Variants in IL1RAPL2 observed in about 807,000 individuals in gnomAD.
IL1RAPL2 encodes the protein interleukin 1 receptor accessory protein like 2.
In IL1RAPL2, 3 loss-of-function variants were observed where a neutral mutation model predicts 44.1. The ratio of observed to expected loss-of-function variants is 0.07; its 90% CI spans 0.03 to 0.18. The LOEUF is 0.18. Ranked by LOEUF, IL1RAPL2 falls within the 10% of genes least tolerant of loss-of-function variation. The pLI is 1.00. For synonymous variants in IL1RAPL2, 181 were observed against 178.8 expected, an observed-to-expected ratio of 1.01 and a Z score of -0.10; for missense variants, 391 against 496.4, an observed-to-expected ratio of 0.79 and a Z score of 2.02.
intron 6 of IL1RAPL2, among the ~76,000 whole-genome samples, chrX:105,556,188 C>T (rs2036895494): frequency 9.0e-6 from 1 of 111,713 alleles, no homozygotes; most frequent in African/African-American, 3.2e-5. Flanking sequence ...GGGGACAGTA[C>T]GAGAAGCTTT....
At chrX:104,807,441 T>C (rs944791368) in intron 2 of IL1RAPL2, among the ~76,000 whole-genome samples, 1 of 111,830 alleles carries the variant, frequency 8.9e-6, no homozygotes, top group Non-Finnish European at 1.9e-5. Context: ...TTTATCTTTA[T>C]TTGGAAGTAG....
chrX:105,184,851 T>C (rs1457829396), intron 2 of IL1RAPL2, among the ~76,000 whole-genome samples: 1 of 111,615 alleles, frequency 9.0e-6, no homozygotes, highest in Non-Finnish European at 1.9e-5. Context: ...TAATATGTAT[T>C]ATATGTAAAG....
chrX:104,631,841 T>C (rs1929657477), intron 1 of IL1RAPL2, among the ~76,000 whole-genome samples: 3 of 110,150 alleles, frequency 2.7e-5, no homozygotes, highest in Admixed American at 9.6e-5. Context: ...AGCTCTTTAG[T>C]TTAATTAGAT....
At chrX:104,922,291 A>G (rs1393832413) in intron 2 of IL1RAPL2, among the ~76,000 whole-genome samples, 1 of 113,296 alleles carries the variant, frequency 8.8e-6, no homozygotes, top group African/African-American at 3.2e-5. Flanking sequence ...TGGGACAGCA[A>G]ACTGCATGAC....
intron 5 of IL1RAPL2, among the ~76,000 whole-genome samples, chrX:105,397,545 G>C (rs895335371): frequency 2.7e-5 from 3 of 111,393 alleles, no homozygotes; most frequent in Non-Finnish European, 3.8e-5. Context: ...TTCTTTTATT[G>C]ACCAAGATAA....
intron 2 of IL1RAPL2, among the ~76,000 whole-genome samples, chrX:104,849,584 TATTAA>T (rs1310443946): frequency 9.2e-6 from 1 of 109,198 alleles, no homozygotes; most frequent in Non-Finnish European, 1.9e-5. Flanking sequence ...AAAGTAGCAA[TATTAA>T]ATTAGTCTTA....
chrX:105,475,206 G>T (rs2036189778), intron 5 of IL1RAPL2, among the ~76,000 whole-genome samples: 1 of 111,233 alleles, frequency 9.0e-6, no homozygotes, highest in African/African-American at 3.3e-5. Flanking sequence ...CTTGGGTTTG[G>T]GTCTTCTGTT....
At chrX:104,792,219 T>C (rs768343093) in intron 2 of IL1RAPL2, among the ~76,000 whole-genome samples, 15 of 111,334 alleles carry the variant, frequency 1.3e-4, no homozygotes, top group Middle Eastern at 4.6e-3. Context: ...CAGATCTTAC[T>C]CTAGTAAGAT....
chrX:105,065,990 G>C (rs1370835342), intron 2 of IL1RAPL2, among the ~76,000 whole-genome samples: 1 of 111,497 alleles, frequency 9.0e-6, no homozygotes, highest in Non-Finnish European at 1.9e-5. Context: ...AACACAGTGG[G>C]TAAAAGGGAG....
intron 5 of IL1RAPL2, among the ~76,000 whole-genome samples, chrX:105,409,508 A>G (rs2035676628): frequency 1.8e-5 from 2 of 111,428 alleles, no homozygotes; most frequent in Admixed American, 9.6e-5. Flanking sequence ...TACAAAAATT[A>G]TCAGCTAGTG....
chrX:104,728,723 G>A (rs1383507401), intron 2 of IL1RAPL2, among the ~76,000 whole-genome samples: 2 of 111,242 alleles, frequency 1.8e-5, no homozygotes, highest in African/African-American at 6.5e-5. Flanking sequence ...TAGGGGCAGG[G>A]CCTAGATATA....
chrX:105,471,269 A>G (rs978208089), intron 5 of IL1RAPL2, among the ~76,000 whole-genome samples: 1 of 111,974 alleles, frequency 8.9e-6, no homozygotes, highest in African/African-American at 3.2e-5. Flanking sequence ...AATCATGACC[A>G]AGGTCACAAA....
chrX:105,595,476 T>C (rs147715349), intron 6 of IL1RAPL2, among the ~76,000 whole-genome samples: 1 of 111,942 alleles, frequency 8.9e-6, no homozygotes, highest in African/African-American at 3.2e-5. Flanking sequence ...GGGTTTTCCA[T>C]GGCCTTAACA....
At chrX:104,780,602 C>T (rs1932765650) in intron 2 of IL1RAPL2, among the ~76,000 whole-genome samples, 1 of 111,681 alleles carries the variant, frequency 9.0e-6, no homozygotes, top group South Asian at 3.7e-4. Context: ...ACTTGATGTT[C>T]TCCCTCTCTA....
At chrX:105,188,200 C>T (rs1214003705) in intron 2 of IL1RAPL2, among the ~76,000 whole-genome samples, 2 of 110,620 alleles carry the variant, frequency 1.8e-5, no homozygotes, top group African/African-American at 6.6e-5. Flanking sequence ...GGGATGACTC[C>T]ACACTTTTTG....
chrX:105,383,119 TA>T (rs199873029), intron 5 of IL1RAPL2, among the ~76,000 whole-genome samples: 10 of 104,829 alleles, frequency 9.5e-5, no homozygotes, highest in African/African-American at 2.1e-4. Context: ...TAAAGTATAA[TA>T]AAAAAAAAGA....
chrX:104,653,085 C>T (rs778930033), intron 1 of IL1RAPL2, among the ~76,000 whole-genome samples: 4 of 110,955 alleles, frequency 3.6e-5, no homozygotes, highest in Non-Finnish European at 5.7e-5. Flanking sequence ...TCTATGGGCA[C>T]TATATAAACA....
intron 1 of IL1RAPL2, among the ~76,000 whole-genome samples, chrX:104,632,383 T>C (rs866029439): frequency 7.2e-5 from 8 of 111,754 alleles, no homozygotes; most frequent in African/African-American, 2.0e-4. Flanking sequence ...GCGAAGAAAG[T>C]CATTGGTAGC....
intron 6 of IL1RAPL2, among the ~76,000 whole-genome samples, chrX:105,528,170 A>G (rs186548593): frequency 8.9e-6 from 1 of 112,229 alleles, no homozygotes; most frequent in African/African-American, 3.2e-5. Context: ...AAGATTGATA[A>G]TAACAATATA....
Sources: allele counts gnomAD v4.1 joint callset (sites outside exome capture counted in the v4.1 genomes callset), GRCh38; gene constraint gnomAD v4.1.1; transcripts MANE v1.5; gene names NCBI Gene and HGNC (gene_info 2026-07-23, HGNC 2026-07-21).